The following JARID2 variants were observed in gnomAD, a reference collection of about 807,000 sequenced individuals.
The protein encoded by JARID2 is jumonji and AT-rich interaction domain containing 2, also known as protein Jumonji.
JARID2 carries 21 observed loss-of-function variants against 125.6 expected under a neutral mutation model. The ratio of observed to expected loss-of-function variants is 0.17; its 90% CI spans 0.12 to 0.24. The LOEUF is 0.24. Ranked by LOEUF, JARID2 falls within the 10% of genes least tolerant of loss-of-function variation. JARID2 has a pLI of 1.00. For missense variants in JARID2, 1,303 were observed against 1,639.6 expected, an observed-to-expected ratio of 0.79 and a Z score of 3.55; for synonymous variants, 736 against 661.6, an observed-to-expected ratio of 1.11 and a Z score of -1.73.
At chr6:15,246,692 G>A (rs774885032) in intron 1 of JARID2, 108 bp downstream of exon 1, 6 of 967,966 alleles carry the variant, frequency 6.2e-6, no homozygotes, top group East Asian at 2.5e-5. Flanking sequence ...CACAGCGTCC[G>A]ATAAGGCTGT....
intron 16 of JARID2, among the ~76,000 whole-genome samples, chr6:15,514,526 ACT>A (rs1299330758): frequency 6.6e-6 from 1 of 150,708 alleles, no homozygotes; most frequent in Non-Finnish European, 1.5e-5. Flanking sequence ...ACCCGGGTCG[ACT>A]CTCCTTGGCC....
At chr6:15,437,185 T>G (rs1767244102) in intron 3 of JARID2, among the ~76,000 whole-genome samples, 1 of 152,218 alleles carries the variant, frequency 6.6e-6, no homozygotes. Flanking sequence ...GGAGGTTGTT[T>G]CAGGGACTGG....
In JARID2 at chr6:15,428,470, T is replaced by TC. The variant is rs781021554; in HGVS notation, c.323+18107dup. Among the ~76,000 whole-genome samples, 6 of 152,122 alleles carry TC rather than the reference T, an allele frequency of 3.9e-5. No homozygotes were observed. The South Asian group carries it at 1.0e-3, about 26-fold the overall frequency. On this transcript the variant is annotated intron_variant, in intron 3 of 17. Coordinates refer to ENST00000341776, the MANE Select transcript of JARID2 (RefSeq NM_004973.4). ...GGTGTGTGATGTTGCCCTTCCTGTGTCCAAGTGTTCTCATTGTTCAATTCC... is the reference window on the plus strand; with the variant it reads ...GGTGTGTGATGTTGCCCTTCCTGTGTCCCAAGTGTTCTCATTGTTCAATTCC...
intron 3 of JARID2, among the ~76,000 whole-genome samples, chr6:15,449,792 T>C (rs148365902): frequency 2.6e-5 from 4 of 152,282 alleles, no homozygotes; most frequent in African/African-American, 9.6e-5. Context: ...TGGTGGATTG[T>C]CAGTTTGTAT....
Position 15,421,109 on chromosome 6 carries a change from C to T in JARID2, c.323+10744C>T, listed in dbSNP as rs377206830. Reference sequence around the variant, plus strand: ...TGGCCTCCCCTTGTGTTTCTCAACCCCGGCTCTGCTTGCCCTTTCCGTAAC... The same window carrying T: ...TGGCCTCCCCTTGTGTTTCTCAACCTCGGCTCTGCTTGCCCTTTCCGTAAC... On this transcript the variant is annotated intron_variant, in intron 3 of 17. Coordinates refer to ENST00000341776, the MANE Select transcript of JARID2 (RefSeq NM_004973.4). Among the ~76,000 whole-genome samples the T allele has an allele frequency of 1.1e-4, 16 of 152,188 alleles. No individual in the cohort carries two copies. The East Asian group carries it at 2.1e-3, about 20-fold the overall frequency.
At chr6:15,271,735 C>T (rs1031111087) in intron 1 of JARID2, among the ~76,000 whole-genome samples, 2 of 152,182 alleles carry the variant, frequency 1.3e-5, no homozygotes, top group Non-Finnish European at 2.9e-5. Context: ...CACAGTGGCT[C>T]ATGCCTGTAA....
intron 9 of JARID2, among the ~76,000 whole-genome samples, chr6:15,505,949 G>A (rs148536902): frequency 6.8e-4 from 103 of 152,362 alleles, no homozygotes; most frequent in African/African-American, 2.4e-3. Context: ...CAAACAACAC[G>A]TGTCCTGTGG....
intron 1 of JARID2, among the ~76,000 whole-genome samples, chr6:15,372,789 CA>C (rs1764222082): frequency 6.6e-6 from 1 of 151,942 alleles, no homozygotes; most frequent in South Asian, 2.1e-4. Context: ...AGCTCACTGC[CA>C]CCTTTCCCTC....
intron 4 of JARID2, among the ~76,000 whole-genome samples, chr6:15,460,538 G>A (rs1282889929): frequency 1.3e-5 from 2 of 152,160 alleles, no homozygotes; most frequent in African/African-American, 4.8e-5. Flanking sequence ...CTGACTGAAG[G>A]GGTTTCATTT....
At chr6:15,454,891 C>G (rs1289801764) in intron 4 of JARID2, among the ~76,000 whole-genome samples, 1 of 152,062 alleles carries the variant, frequency 6.6e-6, no homozygotes, top group Non-Finnish European at 1.5e-5. Flanking sequence ...GCTGGATTGG[C>G]TGTATATAGA....
chr6:15,447,595 C>T (rs1356058518), intron 3 of JARID2, among the ~76,000 whole-genome samples: 1 of 152,224 alleles, frequency 6.6e-6, no homozygotes, highest in Non-Finnish European at 1.5e-5. Context: ...TCTCTCCACC[C>T]CAACCCCACA....
At chr6:15,250,225 G>C (rs568886052) in intron 1 of JARID2, among the ~76,000 whole-genome samples, 52 of 152,292 alleles carry the variant, frequency 3.4e-4, no homozygotes, top group African/African-American at 1.2e-3. Flanking sequence ...AAAAGTTTTT[G>C]TTATAAGCTT....
chr6:15,384,965 A>G (rs1467197680), intron 2 of JARID2, among the ~76,000 whole-genome samples: 3 of 152,194 alleles, frequency 2.0e-5, no homozygotes, highest in Non-Finnish European at 4.4e-5. Flanking sequence ...AGCTTAGGTT[A>G]TGTTGCAGCC....
At chr6:15,256,760 T>A (rs1387746728) in intron 1 of JARID2, among the ~76,000 whole-genome samples, 1 of 152,240 alleles carries the variant, frequency 6.6e-6, no homozygotes, top group East Asian at 1.9e-4. Context: ...TCCTCGCACT[T>A]TATTTTTAGG....
chr6:15,427,001 C>T (rs1766757497), intron 3 of JARID2, among the ~76,000 whole-genome samples: 1 of 152,230 alleles, frequency 6.6e-6, no homozygotes. Context: ...CTGTGTCTGG[C>T]AACCCTTTGT....
At chr6:15,272,360 C>G (rs1159097963) in intron 1 of JARID2, among the ~76,000 whole-genome samples, 1 of 152,200 alleles carries the variant, frequency 6.6e-6, no homozygotes, top group Admixed American at 6.5e-5. Context: ...AGACAAAGAG[C>G]AGTGTCAGGA....
In JARID2 at chr6:15,261,732, A is replaced by G. The variant is rs181789061; in HGVS notation, c.45+15148A>G. 1.5e-3 allele frequency among the ~76,000 whole-genome samples: 221 copies of G among 150,566 alleles called. 1 individual carries two copies. Among genetic ancestry groups the G allele is most frequent in the Non-Finnish European group, 1.6e-4 (11 of 67,742 alleles). On this transcript the variant is annotated intron_variant, in intron 1 of 17. Transcript: ENST00000341776. ...TAAGGAATACTGAATTTACTTTTGT[A>G]CTCCCTACTACGTCCTACTGTATAT...
intron 1 of JARID2, among the ~76,000 whole-genome samples, chr6:15,363,133 C>A (rs1763858974): frequency 6.6e-6 from 1 of 152,092 alleles, no homozygotes; most frequent in African/African-American, 2.4e-5. Context: ...GCAGGAAAAC[C>A]AGGGGAGAGT....
intron 1 of JARID2, among the ~76,000 whole-genome samples, chr6:15,277,733 A>G (rs540897702): frequency 9.9e-5 from 15 of 152,014 alleles, no homozygotes; most frequent in Non-Finnish European, 1.5e-4. Context: ...ACAACAGAGA[A>G]CAGCTTTCTA....
Sources: allele counts gnomAD v4.1 joint callset (sites outside exome capture counted in the v4.1 genomes callset), GRCh38; gene constraint gnomAD v4.1.1; transcripts MANE v1.5; gene names NCBI Gene and HGNC (gene_info 2026-07-23, HGNC 2026-07-21).